ARHGAP6: variants seen among roughly 807,000 people sequenced by gnomAD.
The protein encoded by ARHGAP6 is rho GTPase-activating protein 6.
A neutral mutation model predicts 55.7 loss-of-function variants in ARHGAP6; 16 were observed. The ratio of observed to expected loss-of-function variants is 0.29; its 90% confidence interval spans 0.19 to 0.44. The LOEUF (loss-of-function observed/expected upper bound fraction) is 0.44. ARHGAP6 is among the 20% of genes least tolerant of loss of function. ARHGAP6 has a pLI of 1.00. For missense variants in ARHGAP6, 698 were observed against 808.9 expected (o/e 0.86, Z 1.66); for synonymous variants, 382 against 360.9 (o/e 1.06, Z -0.66).
At chrX:11,190,789 C>A (rs1248165413) in intron 3 of ARHGAP6, among the ~76,000 whole-genome samples, 1 of 111,422 alleles carries the variant, frequency 9.0e-6, no homozygotes, top group Non-Finnish European at 1.9e-5. Context: ...TAAGGAAAAC[C>A]AACCAGACTC....
intron 1 of ARHGAP6, among the ~76,000 whole-genome samples, chrX:11,561,832 A>G (rs1468505676): frequency 1.8e-5 from 2 of 112,194 alleles, no homozygotes; most frequent in African/African-American, 6.5e-5. Context: ...TGGTATCAGG[A>G]AGCATTGGTT....
chrX:11,228,559 T>C (rs192846424), intron 2 of ARHGAP6, among the ~76,000 whole-genome samples: 125 of 111,866 alleles, frequency 1.1e-3, no homozygotes, highest in African/African-American at 3.9e-3. Context: ...AAGAAAGTGG[T>C]GAAGAAAGTC....
At chrX:11,429,738 G>A (rs186337637) in intron 1 of ARHGAP6, among the ~76,000 whole-genome samples, 8 of 111,495 alleles carry the variant, frequency 7.2e-5, no homozygotes, top group Admixed American at 6.6e-4. Context: ...GGCAGAGCTC[G>A]AAAAATGACA....
chrX:11,255,360 A>C (rs968584754), intron 1 of ARHGAP6, among the ~76,000 whole-genome samples: 8 of 110,540 alleles, frequency 7.2e-5, no homozygotes, highest in Non-Finnish European at 1.3e-4. Context: ...CAACCTTATG[A>C]AGTGGTTAAC....
intron 8 of ARHGAP6, 97 bp downstream of exon 8, chrX:11,178,003 T>C (rs1602789137): frequency 1.9e-6 from 2 of 1,069,670 alleles, no homozygotes; most frequent in East Asian, 3.0e-5. Context: ...AGGGGAGACA[T>C]CATTACCTCC....
chrX:11,271,087 A>C (rs1291031886), intron 1 of ARHGAP6, among the ~76,000 whole-genome samples: 2 of 111,938 alleles, frequency 1.8e-5, no homozygotes, highest in Non-Finnish European at 3.8e-5. Context: ...AATAAGAAGG[A>C]AACTCAGATA....
chrX:11,277,712 A>ATTTT (rs769042624), intron 1 of ARHGAP6, among the ~76,000 whole-genome samples: 170 of 93,843 alleles, frequency 1.8e-3, no homozygotes, highest in Middle Eastern at 6.3e-3. Context: ...TTTTTTTTTA[A>ATTTT]AAAAAAATTA....
intron 1 of ARHGAP6, among the ~76,000 whole-genome samples, chrX:11,296,463 C>T (rs1368796819): frequency 9.0e-6 from 1 of 111,395 alleles, no homozygotes; most frequent in Non-Finnish European, 1.9e-5. Flanking sequence ...GGATGCTGTC[C>T]AAAGATCACT....
intron 1 of ARHGAP6, among the ~76,000 whole-genome samples, chrX:11,424,148 C>T (rs978134071): frequency 1.8e-5 from 2 of 111,954 alleles, no homozygotes; most frequent in South Asian, 7.4e-4. Flanking sequence ...TGATTAGGTT[C>T]GACTATCCTC....
At chrX:11,425,663 G>A (rs947798635) in intron 1 of ARHGAP6, among the ~76,000 whole-genome samples, 1 of 112,159 alleles carries the variant, frequency 8.9e-6, no homozygotes, top group East Asian at 2.8e-4. Flanking sequence ...GCCCCAAGAG[G>A]GGACATTAGC....
chrX:11,277,000 A>C (rs5979389), intron 1 of ARHGAP6, among the ~76,000 whole-genome samples: 34,285 of 109,909 alleles, frequency 0.31, 4,361 homozygotes, highest in African/African-American at 0.46. Context: ...TTTTCATCAC[A>C]CCAAAAGGAA....
At chrX:11,286,900 T>C (rs1178197004) in intron 1 of ARHGAP6, among the ~76,000 whole-genome samples, 1 of 111,981 alleles carries the variant, frequency 8.9e-6, no homozygotes. Context: ...AGTTGTCTTG[T>C]GCTAAGGGGA....
intron 5 of ARHGAP6, 21 bp downstream of exon 5, chrX:11,186,215 T>C: frequency 8.4e-7 from 1 of 1,196,112 alleles, no homozygotes; most frequent in South Asian, 1.8e-5. Flanking sequence ...CTTAGTACTT[T>C]AGACAGACAA....
intron 1 of ARHGAP6, among the ~76,000 whole-genome samples, chrX:11,403,885 G>A (rs887302266): frequency 1.8e-5 from 2 of 112,322 alleles, no homozygotes; most frequent in Admixed American, 9.4e-5. Context: ...CTTAAACCAC[G>A]TTAAAGCAGA....
At chrX:11,277,226 G>T (rs1039947327) in intron 1 of ARHGAP6, among the ~76,000 whole-genome samples, 2 of 111,643 alleles carry the variant, frequency 1.8e-5, no homozygotes, top group East Asian at 5.6e-4. Context: ...CATTCTTATG[G>T]CAGGATAATA....
At chrX:11,261,871 C>T in intron 1 of ARHGAP6, among the ~76,000 whole-genome samples, 1 of 111,432 alleles carries the variant, frequency 9.0e-6, no homozygotes. Context: ...TGCTGCTAAG[C>T]ACCTTATAAT....
chrX:11,421,510 T>A (rs2049823360), intron 1 of ARHGAP6, among the ~76,000 whole-genome samples: 1 of 112,079 alleles, frequency 8.9e-6, no homozygotes, highest in East Asian at 2.8e-4. Context: ...CCGAGGGACA[T>A]ATTGCCAGAT....
intron 1 of ARHGAP6, among the ~76,000 whole-genome samples, chrX:11,566,961 T>A (rs2051448906): frequency 8.9e-6 from 1 of 111,911 alleles, no homozygotes; most frequent in African/African-American, 3.2e-5. Context: ...AAACATAATT[T>A]CCAAAAGCTT....
chrX:11,473,725 A>G (rs760166421), intron 1 of ARHGAP6, among the ~76,000 whole-genome samples: 2 of 111,891 alleles, frequency 1.8e-5, no homozygotes, highest in African/African-American at 6.5e-5. Flanking sequence ...TCTTGTTTTA[A>G]AACACCCAGT....
Sources: allele counts gnomAD v4.1 joint callset (sites outside exome capture counted in the v4.1 genomes callset), GRCh38; gene constraint gnomAD v4.1.1; transcripts MANE v1.5; gene names NCBI Gene and HGNC (gene_info 2026-07-23, HGNC 2026-07-21).